NRG1: variants seen among roughly 807,000 people sequenced by gnomAD.
The protein encoded by NRG1 is pro-neuregulin-1, membrane-bound isoform.
NRG1 carries 18 observed loss-of-function variants against 63.8 expected under a neutral mutation model. The ratio of observed to expected loss-of-function variants is 0.28; its 90% confidence interval spans 0.19 to 0.42. The LOEUF (loss-of-function observed/expected upper bound fraction) is 0.42, where lower values mean the gene tolerates loss of function less well. Ranked by LOEUF, NRG1 falls within the 10% of genes least tolerant of loss-of-function variation. The pLI is 1.00. For missense variants in NRG1, 762 were observed against 814.7 expected (o/e 0.94, Z 0.79); for synonymous variants, 302 against 301.3 (o/e 1.00, Z -0.02).
chr8:32,125,952 G>T (rs1368373879), intron 1 of NRG1, among the ~76,000 whole-genome samples: 3 of 151,882 alleles, frequency 2.0e-5, no homozygotes, highest in Non-Finnish European at 4.4e-5. Context: ...ACTGTTTGTT[G>T]GGAAGATGTG....
At chr8:32,582,092 T>TTTTATTTTATTTTATTTTATTTTA (rs1563700389) in intron 1 of NRG1, among the ~76,000 whole-genome samples, 4 of 151,474 alleles carry the variant, frequency 2.6e-5, no homozygotes, top group African/African-American at 7.3e-5. Context: ...TTTTATTTTA[T>TTTTATTTTATTTTATTTTATTTTA]TTTGTTTTGT....
At chr8:32,657,863 T>C (rs964591613) in intron 5 of NRG1, among the ~76,000 whole-genome samples, 1 of 152,182 alleles carries the variant, frequency 6.6e-6, no homozygotes. Context: ...CTTTTTACTA[T>C]AATCTTTAAA....
chr8:31,754,840 T>A (rs547317526), intron 1 of NRG1, among the ~76,000 whole-genome samples: 2 of 152,208 alleles, frequency 1.3e-5, no homozygotes, highest in Admixed American at 1.3e-4. Context: ...AAAATTTTAT[T>A]GCAAAACTTC....
At chr8:31,724,136 C>G (rs543260996) in intron 1 of NRG1, among the ~76,000 whole-genome samples, 1 of 152,002 alleles carries the variant, frequency 6.6e-6, no homozygotes, top group African/African-American at 2.4e-5. Context: ...ACTGTCATAC[C>G]AGTTTCATAT....
chr8:31,847,521 T>C (rs188228543), intron 1 of NRG1, among the ~76,000 whole-genome samples: 171 of 152,352 alleles, frequency 1.1e-3, no homozygotes, highest in African/African-American at 3.6e-3. Context: ...ACCCTACCTT[T>C]TCTACTATTG....
chr8:31,640,379 C>G lies in NRG1; in HGVS notation c.37+948C>G, dbSNP rs1803625618. ...GCGCTGGGGCCGCCCGCCGAGGAGC[C>G]GCTGCTCGCCGCCAACGGGACCGTG... is the stretch of plus-strand genomic sequence containing the variant. On this transcript the variant is annotated intron_variant, in intron 1 of 10. Transcript: ENST00000519301. This position sits in a 1 kb window ranked among gnomAD's most constrained non-coding sequence, Gnocchi z 6.3. 1 of 1,294,254 alleles carries G rather than the reference C, an allele frequency of 7.7e-7. No homozygotes were observed. Among genetic ancestry groups the G allele is most frequent in the African/African-American group, 1.5e-5 (1 of 64,824 alleles). 80.2% of individuals were successfully genotyped at this position (1,294,254 alleles called of 1,614,324 possible).
intron 1 of NRG1, among the ~76,000 whole-genome samples, chr8:31,801,362 A>T (rs2131721838): frequency 6.6e-6 from 1 of 152,160 alleles, no homozygotes; most frequent in Non-Finnish European, 1.5e-5. Context: ...TTTCTTGTGT[A>T]TTGGCTATTC....
intron 5 of NRG1, among the ~76,000 whole-genome samples, chr8:32,711,461 A>G (rs1488710735): frequency 6.6e-6 from 1 of 152,136 alleles, no homozygotes; most frequent in Admixed American, 6.6e-5. Flanking sequence ...AAAAGACATA[A>G]CTTTACAATG....
At position 32,609,222 on chromosome 8, in the gene NRG1, GA is replaced by G. The variant is rs199686514; in HGVS notation, c.400+3541del. On this transcript the variant is annotated intron_variant, in intron 3 of 11. Coordinates refer to ENST00000356819, the Ensembl canonical transcript of NRG1. ...TAGAGTCCTAGTTATAGTGCATCCAGAAGGAAAATATGTAATCATCTTGATC... is the reference window on the plus strand; with the variant it reads ...TAGAGTCCTAGTTATAGTGCATCCAGAGGAAAATATGTAATCATCTTGATC... Among the ~76,000 whole-genome samples the G allele has an allele frequency of 6.9e-3, 1,049 of 152,172 alleles. 13 individuals carry two copies. Among genetic ancestry groups the G allele is most frequent in the African/African-American group, 0.024 (980 of 41,488 alleles).
At chr8:32,754,241 G>A (rs999614587) in intron 7 of NRG1, 131 bp from the exon 8 acceptor site, 18 of 754,942 alleles carry the variant, frequency 2.4e-5, no homozygotes, top group Middle Eastern at 5.6e-4. Flanking sequence ...GTGTGTAAAC[G>A]TAAAGAATTG....
intron 1 of NRG1, among the ~76,000 whole-genome samples, chr8:32,478,354 C>A (rs1242463964): frequency 6.6e-6 from 1 of 152,192 alleles, no homozygotes; most frequent in African/African-American, 2.4e-5. Flanking sequence ...AATGAGCTAA[C>A]TATGTTCAAT....
intron 1 of NRG1, among the ~76,000 whole-genome samples, chr8:32,220,358 C>T (rs1247956780): frequency 1.3e-5 from 2 of 152,088 alleles, no homozygotes; most frequent in East Asian, 3.9e-4. Context: ...AATCCTGTTA[C>T]CTTAGCAACA....
chr8:31,716,040 G>A (rs535092350), intron 1 of NRG1, among the ~76,000 whole-genome samples: 5 of 152,172 alleles, frequency 3.3e-5, no homozygotes, highest in East Asian at 3.9e-4. Context: ...TAGCAATTGC[G>A]TGAATGAAAT....
At chr8:32,097,565 G>A (rs1186828369) in intron 1 of NRG1, among the ~76,000 whole-genome samples, 9 of 152,082 alleles carry the variant, frequency 5.9e-5, no homozygotes, top group Non-Finnish European at 1.2e-4. Flanking sequence ...ACCTCATTGT[G>A]GTTTTGATTT....
At chr8:32,241,107 C>T (rs1397542633) in intron 1 of NRG1, among the ~76,000 whole-genome samples, 1 of 152,096 alleles carries the variant, frequency 6.6e-6, no homozygotes, top group Non-Finnish European at 1.5e-5. Flanking sequence ...AAAATTTCTG[C>T]CCTGCAACCA....
At chr8:31,794,247 C>G (rs1168467355) in intron 1 of NRG1, among the ~76,000 whole-genome samples, 1 of 152,088 alleles carries the variant, frequency 6.6e-6, no homozygotes, top group Non-Finnish European at 1.5e-5. Flanking sequence ...TTCTTTCTCT[C>G]TACAGTAATG....
chr8:32,079,850 G>A (rs1036062066), intron 1 of NRG1, among the ~76,000 whole-genome samples: 9 of 152,042 alleles, frequency 5.9e-5, no homozygotes, highest in African/African-American at 9.7e-5. Context: ...GATTTATTAT[G>A]TGTCTGTGGT....
At chr8:32,367,225 C>G (rs1374098300) in intron 1 of NRG1, among the ~76,000 whole-genome samples, 1 of 152,152 alleles carries the variant, frequency 6.6e-6, no homozygotes, top group Non-Finnish European at 1.5e-5. Flanking sequence ...CTATTTTCTA[C>G]AGTGGTTGTA....
chr8:31,986,971 T>A (rs1237727065), intron 1 of NRG1, among the ~76,000 whole-genome samples: 1 of 152,110 alleles, frequency 6.6e-6, no homozygotes, highest in Non-Finnish European at 1.5e-5. Flanking sequence ...TAATGACAAC[T>A]TGAATTGATT....
Sources: gnomAD v4.1 joint callset for allele counts (sites outside exome capture counted in the v4.1 genomes callset) on GRCh38, gnomAD v4.1.1 for gene constraint, Gnocchi (gnomAD v3.1) non-coding constraint, MANE v1.5 for transcripts, NCBI Gene and HGNC (gene_info 2026-07-23, HGNC 2026-07-21) for gene names.